The following CTTNBP2 variants were observed in gnomAD, a reference collection of about 807,000 sequenced individuals.
CTTNBP2 encodes cortactin-binding protein 2.
A neutral mutation model predicts 156.9 loss-of-function variants in CTTNBP2; 108 were observed. The ratio of observed to expected loss-of-function variants is 0.69; its 90% CI spans 0.59 to 0.81. The LOEUF (loss-of-function observed/expected upper bound fraction) is 0.81, where lower values mean the gene tolerates loss of function less well. CTTNBP2 is among the 30% of genes least tolerant of loss of function. The probability of loss-of-function intolerance (pLI) is 0.00; values close to 1 mark genes in which losing one functional copy is unlikely to be tolerated. For synonymous variants in CTTNBP2, 767 were observed against 751.8 expected (o/e 1.02, Z -0.33); for missense variants, 1,924 against 2,035.4 (o/e 0.95, Z 1.05).
intron 2 of CTTNBP2, among the ~76,000 whole-genome samples, chr7:117,818,173 CTT>C (rs929497407): frequency 4.6e-5 from 7 of 152,110 alleles, no homozygotes; most frequent in Admixed American, 1.3e-4. Context: ...TCTAATCAGA[CTT>C]AAACAGTTTT....
intron 2 of CTTNBP2, among the ~76,000 whole-genome samples, chr7:117,825,822 C>T (rs888123367): frequency 1.3e-5 from 2 of 152,184 alleles, no homozygotes; most frequent in Admixed American, 1.3e-4. Context: ...AAGCATGCAA[C>T]AAATCAGTTA....
chr7:117,796,206 C>T (rs1799305302), intron 3 of CTTNBP2, among the ~76,000 whole-genome samples: 1 of 152,188 alleles, frequency 6.6e-6, no homozygotes, highest in African/African-American at 2.4e-5. Flanking sequence ...ACTTCATTCT[C>T]TCCCGTCACC....
At chr7:117,807,814 C>T (rs570120560) in intron 3 of CTTNBP2, among the ~76,000 whole-genome samples, 30 of 152,294 alleles carry the variant, frequency 2.0e-4, no homozygotes, top group East Asian at 5.8e-4. Flanking sequence ...GCTCTGCAGA[C>T]GGTACTTGTT....
In CTTNBP2 at chr7:117,851,370, T is replaced by C. The variant is rs533172021; in HGVS notation, c.189+9839A>G. 3.3e-5 allele frequency among the ~76,000 whole-genome samples: 5 copies of C among 152,262 alleles called. No homozygotes were observed. The South Asian group carries it at 1.0e-3, about 32-fold the overall frequency. ...CTTCTGTCTATTCAAGTCCTGTTAATACCTCCCCACCAACCCCCTCACACA... is the reference window on the plus strand; with the variant it reads ...CTTCTGTCTATTCAAGTCCTGTTAACACCTCCCCACCAACCCCCTCACACA... On this transcript the variant is annotated intron_variant, in intron 2 of 22. Coordinates refer to ENST00000160373, the MANE Select transcript of CTTNBP2 (RefSeq NM_033427.3).
intron 2 of CTTNBP2, among the ~76,000 whole-genome samples, chr7:117,852,052 A>ATT (rs2117196477): frequency 1.3e-5 from 2 of 152,310 alleles, no homozygotes; most frequent in East Asian, 3.9e-4. Flanking sequence ...AACAAGGCCA[A>ATT]TGACACATCC....
intron 2 of CTTNBP2, among the ~76,000 whole-genome samples, chr7:117,858,203 T>C (rs1370946510): frequency 5.3e-5 from 8 of 152,160 alleles, no homozygotes; most frequent in African/African-American, 1.9e-4. Flanking sequence ...ACCCTGTCTC[T>C]ACTAAAAATA....
chr7:117,738,522 A>G (rs1306883695), intron 14 of CTTNBP2, among the ~76,000 whole-genome samples: 1 of 152,186 alleles, frequency 6.6e-6, no homozygotes, highest in Non-Finnish European at 1.5e-5. Context: ...CAGAATGAAA[A>G]GGCATTTTGA....
At chr7:117,806,934 T>C (rs1799987377) in intron 3 of CTTNBP2, among the ~76,000 whole-genome samples, 1 of 151,976 alleles carries the variant, frequency 6.6e-6, no homozygotes, top group Non-Finnish European at 1.5e-5. Flanking sequence ...AAGTTTTGTA[T>C]TTTTAGTAGA....
chr7:117,791,079 A>G, intron 4 of CTTNBP2, 49 bp downstream of exon 4: 2 of 1,464,426 alleles, frequency 1.4e-6, no homozygotes, highest in Non-Finnish European at 1.9e-6. Context: ...GGCAAGTGAG[A>G]AGAGAGGCCA....
intron 2 of CTTNBP2, among the ~76,000 whole-genome samples, chr7:117,845,333 A>G (rs966891841): frequency 2.0e-5 from 3 of 152,202 alleles, no homozygotes; most frequent in African/African-American, 7.2e-5. Context: ...CTCACAATAT[A>G]TTAAGAATGC....
At chr7:117,854,331 G>A (rs905109289) in intron 2 of CTTNBP2, among the ~76,000 whole-genome samples, 1 of 152,146 alleles carries the variant, frequency 6.6e-6, no homozygotes, top group Non-Finnish European at 1.5e-5. Flanking sequence ...ACAAAAGACT[G>A]CATGTTTTAC....
chr7:117,748,667 C>T (rs1796467680), intron 12 of CTTNBP2, among the ~76,000 whole-genome samples: 1 of 152,212 alleles, frequency 6.6e-6, no homozygotes, highest in South Asian at 2.1e-4. Flanking sequence ...AACACTTTTC[C>T]TTGTAATCTA....
intron 2 of CTTNBP2, among the ~76,000 whole-genome samples, chr7:117,814,745 T>G (rs573808851): frequency 1.7e-4 from 26 of 152,242 alleles, no homozygotes; most frequent in Non-Finnish European, 3.7e-4. Context: ...CCAATTTATT[T>G]GCTTCACAAA....
intron 8 of CTTNBP2, among the ~76,000 whole-genome samples, chr7:117,777,072 T>C (rs1798144560): frequency 1.3e-5 from 2 of 152,198 alleles, no homozygotes; most frequent in South Asian, 2.1e-4. Flanking sequence ...CCCTCTTAGA[T>C]ATCGGTAAGA....
intron 3 of CTTNBP2, among the ~76,000 whole-genome samples, chr7:117,809,854 AAAAG>A (rs1320721469): frequency 1.3e-5 from 2 of 152,224 alleles, no homozygotes; most frequent in African/African-American, 4.8e-5. Context: ...GAGGCCAAAT[AAAAG>A]AAACATTTTA....
At chr7:117,817,346 A>AT (rs1465928006) in intron 2 of CTTNBP2, among the ~76,000 whole-genome samples, 13 of 76,464 alleles carry the variant, frequency 1.7e-4, no homozygotes, top group East Asian at 4.3e-4. Context: ...AAAAAAAAAA[A>AT]AAAAAAAAAA....
intron 14 of CTTNBP2, among the ~76,000 whole-genome samples, chr7:117,742,644 A>C (rs188771114): frequency 1.2e-4 from 19 of 152,286 alleles, no homozygotes; most frequent in Admixed American, 6.5e-5. Context: ...TGCTGATGGA[A>C]ATGGATTTTA....
chr7:117,865,006 T>C (rs1362389949), intron 1 of CTTNBP2, among the ~76,000 whole-genome samples: 2 of 148,454 alleles, frequency 1.3e-5, no homozygotes, highest in East Asian at 3.9e-4. Context: ...GAAGTGGCAT[T>C]AATCTTAGAT....
intron 14 of CTTNBP2, among the ~76,000 whole-genome samples, chr7:117,742,520 T>C (rs976357508): frequency 1.5e-4 from 23 of 152,096 alleles, no homozygotes; most frequent in Admixed American, 6.5e-5. Flanking sequence ...ACAGGGATTT[T>C]AATCAGAGGT....
Sources: allele counts gnomAD v4.1 joint callset (sites outside exome capture counted in the v4.1 genomes callset), GRCh38; gene constraint gnomAD v4.1.1; transcripts MANE v1.5; gene names NCBI Gene and HGNC (gene_info 2026-07-23, HGNC 2026-07-21).